The following FMN1 variants were observed in gnomAD, a reference collection of about 807,000 sequenced individuals.
FMN1 encodes formin 1, also known as formin-1.
In FMN1, 110 loss-of-function variants were observed where a neutral mutation model predicts 132.4. That is an observed-to-expected ratio of 0.83 (90% confidence interval 0.71 to 0.97). FMN1 has a LOEUF of 0.97. Among genes scored for constraint, FMN1 ranks in the 50% least tolerant of loss-of-function variants. The pLI is 0.00. For synonymous variants in FMN1, 722 were observed against 651.7 expected, an observed-to-expected ratio of 1.11 and a Z score of -1.64; for missense variants, 1,792 against 1,705.3, an observed-to-expected ratio of 1.05 and a Z score of -0.90.
chr15:33,037,427 G>A (rs1367655209), intron 6 of FMN1, among the ~76,000 whole-genome samples: 1 of 152,166 alleles, frequency 6.6e-6, no homozygotes, highest in Non-Finnish European at 1.5e-5. Flanking sequence ...GACTGGGGCT[G>A]ACTCCACAGG....
At chr15:32,822,147 G>A (rs1042063879) in intron 17 of FMN1, among the ~76,000 whole-genome samples, 6 of 152,082 alleles carry the variant, frequency 3.9e-5, no homozygotes, top group Non-Finnish European at 7.4e-5. Flanking sequence ...TCAGGAGTTC[G>A]AGACCAGCCT....
chr15:32,913,797 A>G (rs1195722848), intron 10 of FMN1, among the ~76,000 whole-genome samples: 1 of 152,198 alleles, frequency 6.6e-6, no homozygotes, highest in African/African-American at 2.4e-5. Flanking sequence ...GTCTCCCAGC[A>G]TGGTACCAGG....
intron 17 of FMN1, among the ~76,000 whole-genome samples, chr15:32,830,161 T>TAA (rs369977305): frequency 7.2e-6 from 1 of 139,812 alleles, no homozygotes; most frequent in African/African-American, 2.6e-5. Context: ...AAAAATAAAG[T>TAA]AAAAAAAAAA....
intron 7 of FMN1, among the ~76,000 whole-genome samples, chr15:32,999,539 A>C (rs1271662565): frequency 6.6e-6 from 1 of 152,252 alleles, no homozygotes; most frequent in Non-Finnish European, 1.5e-5. Context: ...ATCATTTTGC[A>C]GTGGGAGTTA....
chr15:33,027,238 G>A (rs1455537068), intron 6 of FMN1, among the ~76,000 whole-genome samples: 3 of 152,140 alleles, frequency 2.0e-5, no homozygotes, highest in Admixed American at 1.3e-4. Flanking sequence ...AGGGTGCCAG[G>A]AGATATGAGC....
rs368809981 is a variant in FMN1, at chr15:32,935,929, CTCT to C, written c.3139-9671_3139-9669del. 3.6e-3 allele frequency among the ~76,000 whole-genome samples: 547 copies of C among 152,148 alleles called. 4 individuals are homozygous for C. The highest frequency in any genetic ancestry group is 0.013 in the African/African-American group (533 of 41,550). Reference sequence around the variant, plus strand: ...GCGTGAGCCACCGGCACCTAGCCTCCTCTTCGTTTTTTTCTTTTTGCTCCTCTA... The same window carrying C: ...GCGTGAGCCACCGGCACCTAGCCTCCTCGTTTTTTTCTTTTTGCTCCTCTA... On this transcript the variant is annotated intron_variant, in intron 9 of 20. Transcript: ENST00000616417.
intron 7 of FMN1, among the ~76,000 whole-genome samples, chr15:32,972,000 C>T (rs899466): frequency 0.81 from 123,957 of 152,146 alleles, 50,677 homozygotes; most frequent in East Asian, 0.97. Flanking sequence ...GAACACAAAT[C>T]GGGCAGTTAA....
intron 4 of FMN1, among the ~76,000 whole-genome samples, chr15:33,128,534 T>C (rs1963346141): frequency 6.6e-6 from 1 of 152,230 alleles, no homozygotes. Flanking sequence ...GCGTGATATG[T>C]TAAGTAAACA....
chr15:32,943,869 A>C (rs2061449003), intron 9 of FMN1, among the ~76,000 whole-genome samples: 2 of 152,344 alleles, frequency 1.3e-5, no homozygotes, highest in South Asian at 4.1e-4. Flanking sequence ...ACAGAGTGAG[A>C]GTTTCGCAAT....
At chr15:33,021,085 CCTG>C (rs916925768) in intron 6 of FMN1, among the ~76,000 whole-genome samples, 3 of 152,176 alleles carry the variant, frequency 2.0e-5, no homozygotes, top group Non-Finnish European at 4.4e-5. Flanking sequence ...CTCCGGTACT[CCTG>C]CTATTTCATG....
At chr15:32,919,198 G>C (rs1363334608) in intron 10 of FMN1, among the ~76,000 whole-genome samples, 1 of 152,068 alleles carries the variant, frequency 6.6e-6, no homozygotes. Flanking sequence ...CTAAAATCTG[G>C]TTTTAACTAA....
intron 4 of FMN1, among the ~76,000 whole-genome samples, chr15:33,098,786 G>A (rs1054080490): frequency 6.6e-6 from 1 of 152,066 alleles, no homozygotes; most frequent in Non-Finnish European, 1.5e-5. Flanking sequence ...CTCTTACTAC[G>A]TGGCCCTTTT....
At chr15:32,958,451 A>C (rs183799700) in intron 9 of FMN1, among the ~76,000 whole-genome samples, 140 of 152,264 alleles carry the variant, frequency 9.2e-4, no homozygotes, top group African/African-American at 3.3e-3. Flanking sequence ...TTAGTTTCTT[A>C]TGTGCCATAT....
At chr15:32,859,577 T>G (rs2059215744) in intron 16 of FMN1, among the ~76,000 whole-genome samples, 1 of 152,236 alleles carries the variant, frequency 6.6e-6, no homozygotes, top group African/African-American at 2.4e-5. Context: ...CCAATGTTTT[T>G]GCATCTTTCA....
chr15:32,910,439 T>C (rs372646806), intron 11 of FMN1, 35 bp downstream of exon 11: 22 of 1,495,732 alleles, frequency 1.5e-5, no homozygotes, highest in Non-Finnish European at 1.9e-5. Flanking sequence ...AAGATAAATA[T>C]GGAAATACTA....
At chr15:32,812,310 A>T (rs1475223839) in intron 17 of FMN1, among the ~76,000 whole-genome samples, 1 of 152,194 alleles carries the variant, frequency 6.6e-6, no homozygotes, top group Non-Finnish European at 1.5e-5. Flanking sequence ...CAAGTGACTT[A>T]TAATATTAAG....
At chr15:33,121,426 C>T (rs1248685646) in intron 4 of FMN1, among the ~76,000 whole-genome samples, 4 of 152,138 alleles carry the variant, frequency 2.6e-5, no homozygotes, top group Admixed American at 1.3e-4. Context: ...GAAACTCATT[C>T]CCTCATTTCC....
At chr15:32,853,283 T>C (rs1417277034) in intron 17 of FMN1, among the ~76,000 whole-genome samples, 1 of 152,242 alleles carries the variant, frequency 6.6e-6, no homozygotes, top group Non-Finnish European at 1.5e-5. Context: ...TCTCTGATTC[T>C]ATATGCCTAA....
At chr15:32,945,970 A>G (rs756874045) in intron 9 of FMN1, among the ~76,000 whole-genome samples, 1 of 151,544 alleles carries the variant, frequency 6.6e-6, no homozygotes, top group African/African-American at 2.4e-5. Context: ...AAGTCACTCC[A>G]CTCTGTTAAT....
Sources: allele counts gnomAD v4.1 joint callset (sites outside exome capture counted in the v4.1 genomes callset), GRCh38; gene constraint gnomAD v4.1.1; transcripts MANE v1.5; gene names NCBI Gene and HGNC (gene_info 2026-07-23, HGNC 2026-07-21).